The following CAMTA1 variants were observed in gnomAD, a reference collection of about 807,000 sequenced individuals.
CAMTA1 encodes the protein calmodulin-binding transcription activator 1.
A neutral mutation model predicts 170.9 loss-of-function variants in CAMTA1; 27 were observed. The observed-to-expected ratio is 0.16, with a 90% CI of 0.12 to 0.22. CAMTA1 has a LOEUF of 0.22. Among genes scored for constraint, CAMTA1 ranks in the 10% least tolerant of loss-of-function variants. CAMTA1 has a pLI of 1.00. For synonymous variants in CAMTA1, 833 were observed against 891.5 expected (o/e 0.93, Z 1.17); for missense variants, 1,619 against 2,217.2 (o/e 0.73, Z 5.42).
intron 6 of CAMTA1, among the ~76,000 whole-genome samples, chr1:7,599,889 G>A (rs910945473): frequency 1.3e-5 from 2 of 152,186 alleles, no homozygotes; most frequent in Non-Finnish European, 2.9e-5. Context: ...TCTGCAAACA[G>A]GGACGATTTG....
intron 3 of CAMTA1, among the ~76,000 whole-genome samples, chr1:7,017,389 C>G (rs991164355): frequency 2.0e-5 from 3 of 152,202 alleles, no homozygotes; most frequent in Non-Finnish European, 2.9e-5. Flanking sequence ...AACTCACATA[C>G]TCATACAGAC....
At chr1:7,084,052 G>A (rs1181563851) in intron 3 of CAMTA1, among the ~76,000 whole-genome samples, 4 of 151,276 alleles carry the variant, frequency 2.6e-5, no homozygotes, top group African/African-American at 9.7e-5. Context: ...CAAGCTTTAA[G>A]AAATTATACT....
rs567759571 is a variant in CAMTA1 at position 7,641,403 on chromosome 1, G to A, written c.664+850G>A. Among the ~76,000 whole-genome samples, 1 of 152,348 alleles carries A rather than the reference G, an allele frequency of 6.6e-6. No individual in the cohort carries two copies. The highest frequency in any genetic ancestry group is 2.1e-4 in the South Asian group (1 of 4,830). On this transcript the variant is annotated intron_variant, in intron 7 of 22. Transcript: ENST00000303635. The surrounding 1 kb of genome is among the most constrained non-coding windows in gnomAD (Gnocchi z 4.5). ...CAGTGGCTCACTCAGAAGCAGAACT[G>A]TCCCTGGAGCTGGGCTGGAGGGAGG... is the stretch of plus-strand genomic sequence containing the variant.
intron 6 of CAMTA1, among the ~76,000 whole-genome samples, chr1:7,630,845 T>G (rs914549061): frequency 2.0e-5 from 3 of 152,216 alleles, no homozygotes; most frequent in African/African-American, 7.2e-5. Context: ...TCGGCCGCAG[T>G]GGGAGATCCC....
At chr1:7,071,223 G>C (rs1638606340) in intron 3 of CAMTA1, among the ~76,000 whole-genome samples, 1 of 152,206 alleles carries the variant, frequency 6.6e-6, no homozygotes, top group South Asian at 2.1e-4. Context: ...ATGGGGCCAT[G>C]TCCCCTCTAT....
intron 7 of CAMTA1, among the ~76,000 whole-genome samples, chr1:7,655,385 C>G (rs148249752): frequency 7.0e-6 from 1 of 143,878 alleles, no homozygotes; most frequent in Non-Finnish European, 1.5e-5. Context: ...TACACACACA[C>G]GTATGCACAC....
At chr1:7,449,821 G>T (rs1055182206) in intron 5 of CAMTA1, among the ~76,000 whole-genome samples, 2 of 151,510 alleles carry the variant, frequency 1.3e-5, no homozygotes, top group African/African-American at 4.9e-5. Flanking sequence ...AAGTACTGGG[G>T]CCCAGTACTC....
In CAMTA1 at chr1:7,696,274, G is replaced by A. The variant is rs192879868; in HGVS notation, c.2914+18541G>A. ...TACAGTGGCGCAATCTCGGCTCATTGCAACCTCCACCTCCCAGGTTCAAGC... is the reference window on the plus strand; with the variant it reads ...TACAGTGGCGCAATCTCGGCTCATTACAACCTCCACCTCCCAGGTTCAAGC... On this transcript the variant is annotated intron_variant, in intron 11 of 22. Transcript: ENST00000303635. 2.0e-4 allele frequency among the ~76,000 whole-genome samples: 31 copies of A among 152,238 alleles called. No individual in the cohort carries two copies. In the East Asian group the frequency reaches 5.8e-3, roughly 28 times the overall value.
At chr1:7,420,368 T>C (rs1425283133) in intron 5 of CAMTA1, among the ~76,000 whole-genome samples, 1 of 152,184 alleles carries the variant, frequency 6.6e-6, no homozygotes, top group Non-Finnish European at 1.5e-5. Context: ...TCTTACCATG[T>C]ACAGTGCTGT....
At chr1:7,526,618 A>C (rs187684766) in intron 6 of CAMTA1, among the ~76,000 whole-genome samples, 9 of 152,340 alleles carry the variant, frequency 5.9e-5, no homozygotes, top group Middle Eastern at 3.4e-3. Context: ...GGTGGGACAA[A>C]GCATGAGTGT....
chr1:7,651,477 T>C (rs555377865), intron 7 of CAMTA1, among the ~76,000 whole-genome samples: 1 of 152,220 alleles, frequency 6.6e-6, no homozygotes, highest in African/African-American at 2.4e-5. Flanking sequence ...AGGGGACAGG[T>C]AGCTGGTTCT....
intron 3 of CAMTA1, among the ~76,000 whole-genome samples, chr1:6,953,017 TG>T (rs71568671): frequency 0.31 from 46,565 of 151,856 alleles, 7,769 homozygotes; most frequent in Non-Finnish European, 0.38. Context: ...ATGTGTGTTT[TG>T]CTTGTTTCAT....
At chr1:7,341,684 G>T (rs1345527872) in intron 5 of CAMTA1, among the ~76,000 whole-genome samples, 1 of 152,200 alleles carries the variant, frequency 6.6e-6, no homozygotes, top group Non-Finnish European at 1.5e-5. Context: ...CTGCATGATT[G>T]TTCTGCCGTA....
intron 4 of CAMTA1, among the ~76,000 whole-genome samples, chr1:7,177,434 G>T (rs1203158473): frequency 1.5e-5 from 2 of 136,274 alleles, no homozygotes; most frequent in Non-Finnish European, 3.1e-5. Context: ...ACACACACAA[G>T]TCCCACTCAC....
At position 7,620,587 on chromosome 1, in the gene CAMTA1, C is replaced by T. The variant is rs151143203; in HGVS notation, c.511-19813C>T. 1.1e-3 allele frequency among the ~76,000 whole-genome samples: 174 copies of T among 152,310 alleles called. 1 individual carries two copies. The highest frequency in any genetic ancestry group is 4.0e-3 in the African/African-American group (167 of 41,550). On this transcript the variant is annotated intron_variant, in intron 6 of 22. Coordinates refer to ENST00000303635, the MANE Select transcript of CAMTA1 (RefSeq NM_015215.4). ...ATATTCTATGCTGCCTTGTTCTGCACGAGTATCTTACTGGGAGGCTGTCAG... is the reference window on the plus strand; with the variant it reads ...ATATTCTATGCTGCCTTGTTCTGCATGAGTATCTTACTGGGAGGCTGTCAG...
At chr1:7,058,659 C>A (rs1208535058) in intron 3 of CAMTA1, among the ~76,000 whole-genome samples, 3 of 152,106 alleles carry the variant, frequency 2.0e-5, no homozygotes, top group Non-Finnish European at 4.4e-5. Context: ...GCCGGGCTCC[C>A]CTTTGTCAGA....
intron 3 of CAMTA1, among the ~76,000 whole-genome samples, chr1:6,881,552 G>A (rs1329560074): frequency 1.3e-5 from 2 of 152,198 alleles, no homozygotes; most frequent in African/African-American, 2.4e-5. Flanking sequence ...GGGCACGGGA[G>A]GGGAGGAGCC....
intron 7 of CAMTA1, among the ~76,000 whole-genome samples, chr1:7,645,859 G>A (rs751598427): frequency 5.2e-5 from 8 of 152,392 alleles, no homozygotes; most frequent in South Asian, 4.1e-4. Context: ...GGCACACGAC[G>A]TATCCACAGG....
chr1:7,341,756 A>G (rs1033135720), intron 5 of CAMTA1, among the ~76,000 whole-genome samples: 5 of 152,240 alleles, frequency 3.3e-5, no homozygotes. Flanking sequence ...GCCAGGGTCC[A>G]GTGCTTTCTC....
Sources: allele counts gnomAD v4.1 joint callset (sites outside exome capture counted in the v4.1 genomes callset), GRCh38; gene constraint gnomAD v4.1.1; non-coding constraint Gnocchi (gnomAD v3.1); transcripts MANE v1.5; gene names NCBI Gene and HGNC (gene_info 2026-07-23, HGNC 2026-07-21).